The following SLC22A23 variants were observed in gnomAD, a reference collection of about 807,000 sequenced individuals.
SLC22A23 encodes ion transporter protein.
In SLC22A23, 26 loss-of-function variants were observed where a neutral mutation model predicts 61.0. That is an observed-to-expected ratio of 0.43 (90% CI 0.31 to 0.59). SLC22A23 has a LOEUF of 0.59. Ranked by LOEUF, SLC22A23 falls within the 20% of genes least tolerant of loss-of-function variation. The pLI is 0.11. For synonymous variants in SLC22A23, 430 were observed against 413.9 expected (o/e 1.04, Z -0.47); for missense variants, 796 against 934.7 (o/e 0.85, Z 1.94).
intron 3 of SLC22A23, among the ~76,000 whole-genome samples, chr6:3,351,504 C>T (rs1029873135): frequency 1.3e-5 from 2 of 152,128 alleles, no homozygotes; most frequent in East Asian, 1.9e-4. Flanking sequence ...TGCCAGGCAG[C>T]GGGGAACGTT....
chr6:3,361,112 C>T (rs1338076978), intron 3 of SLC22A23, among the ~76,000 whole-genome samples: 2 of 148,812 alleles, frequency 1.3e-5, no homozygotes, highest in Admixed American at 1.4e-4. Flanking sequence ...ACTTAAGACC[C>T]CAACCAGCTG....
intron 1 of SLC22A23, among the ~76,000 whole-genome samples, chr6:3,437,505 G>A (rs964918377): frequency 5.3e-5 from 8 of 151,464 alleles, no homozygotes; most frequent in African/African-American, 7.3e-5. Context: ...GTGAAACCCC[G>A]TCTCTACTAA....
intron 1 of SLC22A23, among the ~76,000 whole-genome samples, chr6:3,449,721 T>C (rs140648829): frequency 5.3e-5 from 8 of 152,298 alleles, no homozygotes; most frequent in Non-Finnish European, 7.3e-5. Context: ...ATTAGTATAA[T>C]TGTGCATAGC....
At chr6:3,343,630 G>T (rs570272780) in intron 3 of SLC22A23, among the ~76,000 whole-genome samples, 1 of 152,172 alleles carries the variant, frequency 6.6e-6, no homozygotes, top group Non-Finnish European at 1.5e-5. Flanking sequence ...CATGTTTGTC[G>T]AGACGTAATT....
rs951008375 is a variant in SLC22A23 at position 3,286,162 on chromosome 6, G to A, written c.1546+697C>T. On this transcript the variant is annotated intron_variant, in intron 7 of 9. Transcript: ENST00000406686. The surrounding 1 kb of genome is among the most constrained non-coding windows in gnomAD (Gnocchi z 4.2). ...CACCCAGGCTGGAGTGCAGTGCTGC[G>A]ATCTCAGCTTACTGCAACCTCTGCC... 4.0e-5 allele frequency among the ~76,000 whole-genome samples: 6 copies of A among 150,930 alleles called. No homozygotes were observed. Among genetic ancestry groups the A allele is most frequent in the South Asian group, 2.1e-4 (1 of 4,778 alleles).
Position 3,294,110 on chromosome 6 carries a change from C to T in SLC22A23, c.1210+3981G>A, listed in dbSNP as rs372692515. On this transcript the variant is annotated intron_variant, in intron 5 of 9. Coordinates refer to ENST00000406686, the MANE Select transcript of SLC22A23 (RefSeq NM_015482.2). ...ACTGAGAGGTATCATGGAGTTACTG[C>T]TCCCCACTGCTCAGCCTCTTTGGGC... Among the ~76,000 whole-genome samples the T allele has an allele frequency of 7.2e-4, 109 of 152,298 alleles. 1 individual carries two copies. In the South Asian group the frequency reaches 0.022, roughly 31 times the overall value.
At chr6:3,273,931 G>A (rs1758667578) in intron 9 of SLC22A23, among the ~76,000 whole-genome samples, 1 of 152,184 alleles carries the variant, frequency 6.6e-6, no homozygotes. Context: ...TAAAAGAGTA[G>A]TTTCCTCACT....
rs755086399 is a variant in SLC22A23 at position 3,289,845 on chromosome 6, C to T, written c.1232G>A (p.Arg411Gln). The T allele has an allele frequency of 1.1e-4, 178 of 1,613,882 alleles. No individual in the cohort carries two copies. Among genetic ancestry groups the T allele is most frequent in the Non-Finnish European group, 1.4e-4 (169 of 1,180,040 alleles). The part of the protein sequence containing the change: ...VIPELEKELS[R>Q]RPKKVCIVKV... ...CACGATGCAGACCTTCTTGGGCCTC[C>T]GGGAAAGCTCTTTCTCCAGCTCTGC... is the stretch of plus-strand genomic sequence containing the variant. Residue 411 changes from arginine (R) to glutamine (Q), a missense_variant, in exon 6 of 10, where the codon CGG (arginine) becomes CAG (glutamine). By Grantham distance (43) the Arg-to-Gln change is conservative. Coordinates refer to ENST00000406686, the MANE Select transcript of SLC22A23 (RefSeq NM_015482.2).
chr6:3,274,691 A>C (rs1392760502), intron 9 of SLC22A23, among the ~76,000 whole-genome samples: 2 of 152,252 alleles, frequency 1.3e-5, no homozygotes. Flanking sequence ...TACAAAAGTC[A>C]ATTATATGTC....
intron 4 of SLC22A23, among the ~76,000 whole-genome samples, chr6:3,305,548 G>C (rs1020601973): frequency 1.3e-5 from 2 of 152,218 alleles, no homozygotes; most frequent in African/African-American, 4.8e-5. Context: ...GTTTTAGTTT[G>C]GATAATGTGC....
At chr6:3,426,349 G>GCA (rs1770489554) in intron 1 of SLC22A23, among the ~76,000 whole-genome samples, 1 of 152,140 alleles carries the variant, frequency 6.6e-6, no homozygotes, top group African/African-American at 2.4e-5. Flanking sequence ...TTCAGACAGG[G>GCA]TGACCTGATG....
chr6:3,399,263 C>T (rs961438148), intron 3 of SLC22A23, among the ~76,000 whole-genome samples: 11 of 152,206 alleles, frequency 7.2e-5, no homozygotes, highest in African/African-American at 2.4e-4. Flanking sequence ...CAAAACAAGG[C>T]ACTGCCCATC....
Position 3,399,491 on chromosome 6 carries a change from C to T in SLC22A23, c.913+10697G>A, listed in dbSNP as rs1008601660. On this transcript the variant is annotated intron_variant, in intron 3 of 9. Transcript: ENST00000406686. ...CACATCGCAAACAGGAACTGCCATC[C>T]GCCCCTCCAGAAGGAAGGCAGTGAA... Among the ~76,000 whole-genome samples, 6 of 152,196 alleles carry T rather than the reference C, an allele frequency of 3.9e-5. No individual in the cohort carries two copies. In the South Asian group the frequency reaches 6.2e-4, roughly 16 times the overall value.
At chr6:3,280,142 G>A (rs1013440282) in intron 9 of SLC22A23, among the ~76,000 whole-genome samples, 1 of 151,694 alleles carries the variant, frequency 6.6e-6, no homozygotes. Flanking sequence ...GATGCCCAGC[G>A]AAGAAGAAGA....
rs60880355 is a variant in SLC22A23, at chr6:3,414,721, C to CAAA, written c.758+1028_758+1030dup. On this transcript the variant is annotated intron_variant, in intron 2 of 9. Coordinates refer to ENST00000406686, the MANE Select transcript of SLC22A23 (RefSeq NM_015482.2). This position sits in a 1 kb window ranked among gnomAD's most constrained non-coding sequence, Gnocchi z 5.1. ...TCAAGGCCAAGATGTCTCGATTCACCAAAAAAAAAAAAAAAAAAAAAAATC... is the reference window on the plus strand; with the variant it reads ...TCAAGGCCAAGATGTCTCGATTCACCAAAAAAAAAAAAAAAAAAAAAAAAAATC... Among the ~76,000 whole-genome samples, 176 of 89,424 alleles carry CAAA rather than the reference C, an allele frequency of 2.0e-3. 3 individuals carry two copies. In the South Asian group the frequency reaches 0.029, roughly 15 times the overall value. The allele number at this position is 89,424 out of a possible 152,430, so 58.7% of individuals were successfully genotyped here.
chr6:3,321,674 C>T (rs1762961015), intron 4 of SLC22A23, among the ~76,000 whole-genome samples: 1 of 152,174 alleles, frequency 6.6e-6, no homozygotes, highest in Non-Finnish European at 1.5e-5. Flanking sequence ...GCCACTTCTC[C>T]CTTGTCAGGT....
rs1304724954 is a variant in SLC22A23, at chr6:3,386,348, A to T, written c.913+23840T>A. ...AGGGCAGACAAGCCTCAGGCTGGAG[A>T]GCGAAGGAGAAGGGAGAGCACGCTT... On this transcript the variant is annotated intron_variant, in intron 3 of 9. Coordinates refer to ENST00000406686, the MANE Select transcript of SLC22A23 (RefSeq NM_015482.2). This position sits in a 1 kb window ranked among gnomAD's most constrained non-coding sequence, Gnocchi z 4.4. Among the ~76,000 whole-genome samples the T allele has an allele frequency of 6.6e-6, 1 of 152,150 alleles. No individual in the cohort carries two copies. The highest frequency in any genetic ancestry group is 1.9e-4 in the East Asian group (1 of 5,178).
intron 1 of SLC22A23, among the ~76,000 whole-genome samples, chr6:3,433,314 C>T (rs1004588409): frequency 2.4e-4 from 36 of 152,320 alleles, no homozygotes; most frequent in African/African-American, 7.7e-4. Context: ...ACCATTCCCA[C>T]GGCCTCCTTA....
chr6:3,424,780 C>A (rs541718154), intron 1 of SLC22A23, among the ~76,000 whole-genome samples: 2 of 152,298 alleles, frequency 1.3e-5, no homozygotes, highest in East Asian at 3.9e-4. Context: ...TCATTTGCAG[C>A]GGATTCTGCA....
Sources: gnomAD v4.1 joint callset for allele counts (sites outside exome capture counted in the v4.1 genomes callset) on GRCh38, gnomAD v4.1.1 for gene constraint, Gnocchi (gnomAD v3.1) non-coding constraint, MANE v1.5 for transcripts, NCBI Gene and HGNC (gene_info 2026-07-23, HGNC 2026-07-21) for gene names.